Variants in CEP104 observed in about 807,000 individuals in gnomAD.
CEP104 encodes centrosomal protein 104, also known as centrosomal protein of 104 kDa.
In CEP104, 84 loss-of-function variants were observed where a neutral mutation model predicts 113.3. The ratio of observed to expected loss-of-function variants is 0.74; its 90% CI spans 0.62 to 0.89. CEP104 has a LOEUF of 0.89. CEP104 is among the 40% of genes least tolerant of loss of function. CEP104 has a pLI of 0.00. For missense variants in CEP104, 1,053 were observed against 1,156.6 expected (o/e 0.91, Z 1.30); for synonymous variants, 378 against 421.7 (o/e 0.90, Z 1.27).
chr1:3,822,329 T>G (rs1643993626), intron 20 of CEP104, among the ~76,000 whole-genome samples: 1 of 152,106 alleles, frequency 6.6e-6, no homozygotes, highest in Non-Finnish European at 1.5e-5. Context: ...TCTTCTCTGT[T>G]TGGTGTGAGT....
At chr1:3,824,782 C>T (rs1017587384) in intron 18 of CEP104, among the ~76,000 whole-genome samples, 5 of 152,002 alleles carry the variant, frequency 3.3e-5, no homozygotes, top group African/African-American at 1.2e-4. Context: ...CAGCAGGAAG[C>T]ATGGCCGCAG....
chr1:3,847,641 T>C (rs763973228), intron 3 of CEP104, 28 bp from the exon 4 acceptor site: 14 of 1,613,418 alleles, frequency 8.7e-6, no homozygotes, highest in Admixed American at 3.3e-5. Context: ...ACTGAAGAAT[T>C]TGAAAATGTG....
At chr1:3,854,869 A>ATT (rs1644683709) in intron 1 of CEP104, among the ~76,000 whole-genome samples, 5 of 65,472 alleles carry the variant, frequency 7.6e-5, no homozygotes, top group Admixed American at 1.7e-4. Context: ...CCAGTCTCCA[A>ATT]ATTTTTTTTT....
rs1370034456 is a variant in CEP104 at position 3,812,991 on chromosome 1, A to G, written c.*2411T>C. The stretch of plus-strand genomic sequence containing the variant: ...TTTTTATAAGTATTTTCTTTAAGTT[A>G]CAATATATAGAAGGCATGTGTATAT... On this transcript the variant is annotated 3_prime_UTR_variant, in exon 22 of 22. Transcript: ENST00000378230. 1 of 152,200 alleles carries G rather than the reference A, an allele frequency of 6.6e-6. No individual in the cohort carries two copies. Among genetic ancestry groups the G allele is most frequent in the African/African-American group, 2.4e-5 (1 of 41,460 alleles). The allele number at this position is 152,200 out of a possible 1,614,324, so 9.4% of individuals were successfully genotyped here. A position where few individuals can be genotyped will look rare whatever the true frequency, so the allele number is the denominator to read the frequency against.
At chr1:3,850,461 C>A (rs1644589557) in intron 2 of CEP104, among the ~76,000 whole-genome samples, 1 of 152,184 alleles carries the variant, frequency 6.6e-6, no homozygotes, top group South Asian at 2.1e-4. Context: ...AAACGTCTTG[C>A]TCTGAAGGCT....
In CEP104 at chr1:3,816,280, C is replaced by T. The variant is rs1444167025; in HGVS notation, c.2662G>A (p.Gly888Arg). The T allele has an allele frequency of 3.9e-6, 6 of 1,551,566 alleles. No individual in the cohort carries two copies. In the Admixed American group the frequency reaches 5.9e-5, roughly 15 times the overall value. The change falls in exon 21 of 22, where the codon GGG becomes AGG. Residue 888 changes from glycine (G) to arginine (R), a missense_variant and splice_region_variant. By Grantham distance (125) the Gly-to-Arg change is moderately radical. Coordinates refer to ENST00000378230, the MANE Select transcript of CEP104 (RefSeq NM_014704.4). ...CCTGCTCAGCGGCGCTGTCCCTCAC[C>T]TGGCTGCAGTGCCGGGGCCTTCTGC... ...ILQKAPALQP[G>R]KSSAVAASGP...
chr1:3,844,497 G>C (rs1644470606), intron 6 of CEP104, among the ~76,000 whole-genome samples: 1 of 151,800 alleles, frequency 6.6e-6, no homozygotes, highest in Non-Finnish European at 1.5e-5. Flanking sequence ...ACTCCATCGA[G>C]ACCAGCCTGG....
At chr1:3,826,611 C>A in intron 16 of CEP104, 97 bp downstream of exon 16, 2 of 1,446,204 alleles carry the variant, frequency 1.4e-6, no homozygotes, top group South Asian at 1.2e-5. Flanking sequence ...GCTGAATGGA[C>A]AGAAGCCGTT....
At chr1:3,840,254 G>A (rs548020643) in intron 6 of CEP104, among the ~76,000 whole-genome samples, 3 of 151,630 alleles carry the variant, frequency 2.0e-5, no homozygotes, top group Admixed American at 1.3e-4. Context: ...TTCTTTTTTC[G>A]GAGGCGGAGT....
At chr1:3,826,296 A>G (rs1429139699) in intron 17 of CEP104, 74 bp downstream of exon 17, 2 of 1,340,232 alleles carry the variant, frequency 1.5e-6, no homozygotes, top group Non-Finnish European at 2.1e-6. Flanking sequence ...GGGAGGACGC[A>G]TTCCCTTTCC....
At chr1:3,852,801 G>C (rs6668306) in intron 1 of CEP104, among the ~76,000 whole-genome samples, 81,809 of 152,062 alleles carry the variant, frequency 0.54, 24,539 homozygotes, top group Non-Finnish European at 0.68. Flanking sequence ...TGGGCCCAAT[G>C]CAACGTGACT....
In CEP104 at chr1:3,821,467, A is replaced by G. The variant is rs182456119; in HGVS notation, c.2571+1707T>C. On this transcript the variant is annotated intron_variant, in intron 20 of 21. Transcript: ENST00000378230. ...ATTAAACCTTCACTCTGCCTTTCCA[A>G]TAGAAAGTCTAACCTAGGGTCACCA... Among the ~76,000 whole-genome samples, 295 of 152,322 alleles carry G rather than the reference A, an allele frequency of 1.9e-3. 1 individual carries two copies. Among genetic ancestry groups the G allele is most frequent in the African/African-American group, 6.6e-3 (275 of 41,570 alleles).
chr1:3,843,306 C>T (rs1265006031), intron 6 of CEP104: 8 of 658,584 alleles, frequency 1.2e-5, no homozygotes, highest in Non-Finnish European at 1.9e-5. Context: ...AGTGGATTCA[C>T]CCCCGGTTCT....
In CEP104 at chr1:3,848,797, T is replaced by C; in HGVS notation, c.114-16A>G. 6.2e-7 allele frequency: 1 copy of C among 1,600,890 alleles called. No homozygotes were observed. The highest frequency in any genetic ancestry group is 1.7e-4 in the Middle Eastern group (1 of 6,026). On this transcript the variant is annotated splice_polypyrimidine_tract_variant and intron_variant, in intron 2 of 21. Transcript: ENST00000378230. ...CTGGCAAAATCTGAAAGCAAACACA[T>C]TTTTATATTTTCTGAACAACTTCTG...
chr1:3,855,525 C>T (rs1644702912), intron 1 of CEP104, among the ~76,000 whole-genome samples: 1 of 152,072 alleles, frequency 6.6e-6, no homozygotes, highest in African/African-American at 2.4e-5. Flanking sequence ...AATATAGGAC[C>T]TTTTCAGTCA....
chr1:3,853,652 T>C (rs764835189), intron 1 of CEP104, among the ~76,000 whole-genome samples: 1 of 152,236 alleles, frequency 6.6e-6, no homozygotes, highest in Non-Finnish European at 1.5e-5. Flanking sequence ...TAATGTTTCT[T>C]GGAATGTATG....
chr1:3,853,886 G>C (rs113120570), intron 1 of CEP104, among the ~76,000 whole-genome samples: 30,916 of 152,102 alleles, frequency 0.2, 3,509 homozygotes, highest in Non-Finnish European at 0.25. Flanking sequence ...CTTGAGCCCA[G>C]GAGTTCGAGA....
rs768733408 is a variant in CEP104 at position 3,837,396 on chromosome 1, G to T, written c.1015C>A (p.Pro339Thr). Residue 339 changes from proline (P) to threonine (T), a missense_variant, in exon 9 of 22, where the codon CCT (proline) becomes ACT (threonine). By Grantham distance (38) the Pro-to-Thr change is conservative (BLOSUM62 -1). Transcript: ENST00000378230. ...ERGTENQFAE[P>T]FLQEKPSSYS... ...GATGAAGGCTTTTCCTGAAGGAAAG[G>T]TTCTGCAAACTGGTTTTCTGTTCCT... is the stretch of plus-strand genomic sequence containing the variant. 6 of 1,614,100 alleles carry T rather than the reference G, an allele frequency of 3.7e-6. No individual in the cohort carries two copies. The African/African-American group carries it at 6.7e-5, about 18-fold the overall frequency.
Position 3,838,808 on chromosome 1 carries a change from G to T in CEP104, c.891+156C>A, listed in dbSNP as rs1210875800. On this transcript the variant is annotated intron_variant, in intron 8 of 21. Transcript: ENST00000378230. ...CATGCTGAGGCAAAGCCTCCCTGACGTAGGCACAGAGCTGAGGCCATCCAT... is the reference window on the plus strand; with the variant it reads ...CATGCTGAGGCAAAGCCTCCCTGACTTAGGCACAGAGCTGAGGCCATCCAT... 2.0e-5 allele frequency among the ~76,000 whole-genome samples: 3 copies of T among 152,194 alleles called. No homozygotes were observed. In the South Asian group the frequency reaches 6.2e-4, roughly 31 times the overall value.
Sources: gnomAD v4.1 joint callset for allele counts (sites outside exome capture counted in the v4.1 genomes callset) on GRCh38, gnomAD v4.1.1 for gene constraint, MANE v1.5 for transcripts, NCBI Gene and HGNC (gene_info 2026-07-23, HGNC 2026-07-21) for gene names.